Variants in CELF2 observed in about 807,000 individuals in gnomAD.
CELF2 encodes the protein CUGBP Elav-like family member 2.
A neutral mutation model predicts 62.6 loss-of-function variants in CELF2; 8 were observed. That is an observed-to-expected ratio of 0.13 (90% CI 0.07 to 0.23). The LOEUF (loss-of-function observed/expected upper bound fraction) is 0.23. CELF2 is among the 10% of genes least tolerant of loss of function. CELF2 has a pLI of 1.00. For synonymous variants in CELF2, 258 were observed against 250.0 expected (o/e 1.03, Z -0.30); for missense variants, 333 against 671.0 (o/e 0.50, Z 5.56).
chr10:10,906,988 A>G (rs905996876), intron 1 of CELF2, among the ~76,000 whole-genome samples: 3 of 152,086 alleles, frequency 2.0e-5, no homozygotes, highest in African/African-American at 7.2e-5. Flanking sequence ...AAGTGCTGGG[A>G]TTACAGGCAT....
intron 1 of CELF2, among the ~76,000 whole-genome samples, chr10:11,111,363 G>A (rs983643865): frequency 1.3e-5 from 2 of 152,136 alleles, no homozygotes; most frequent in African/African-American, 4.8e-5. Flanking sequence ...ATTCTGTTGC[G>A]AGGCCTTTGT....
the CELF2 span, among the ~76,000 whole-genome samples, chr10:10,768,258 A>T: frequency 3.9e-4 from 60 of 152,032 alleles, 1 homozygote; most frequent in South Asian, 0.012. Flanking sequence ...TACCTTTCTG[A>T]GTTGCATAGA....
At chr10:11,160,355 G>T (rs746476682) in intron 1 of CELF2, among the ~76,000 whole-genome samples, 10 of 152,098 alleles carry the variant, frequency 6.6e-5, no homozygotes, top group Admixed American at 3.9e-4. Flanking sequence ...GCTGTTGAGG[G>T]CCTCAAGCAC....
the CELF2 span, among the ~76,000 whole-genome samples, chr10:10,518,746 G>A: frequency 1.7e-3 from 252 of 150,722 alleles, 1 homozygote; most frequent in African/African-American, 6.0e-3. Context: ...TGGCTTCATA[G>A]TCAAAGAAAT....
At chr10:10,975,595 A>T (rs1352497298) in intron 2 of CELF2, among the ~76,000 whole-genome samples, 1 of 152,240 alleles carries the variant, frequency 6.6e-6, no homozygotes, top group East Asian at 1.9e-4. Context: ...TAGTACTTGC[A>T]TTTGTGATAT....
intron 1 of CELF2, among the ~76,000 whole-genome samples, chr10:10,862,448 C>T (rs2060100104): frequency 1.3e-5 from 2 of 149,854 alleles, no homozygotes; most frequent in Admixed American, 6.6e-5. Flanking sequence ...CATAATGCCT[C>T]TTTGTGGACT....
the CELF2 span, among the ~76,000 whole-genome samples, chr10:10,568,938 T>C: frequency 2.0e-5 from 3 of 152,168 alleles, no homozygotes; most frequent in Non-Finnish European, 4.4e-5. Flanking sequence ...AGTTACAATA[T>C]TGTAATAAAT....
At chr10:11,033,971 G>A (rs12414153) in intron 1 of CELF2, among the ~76,000 whole-genome samples, 4,793 of 152,272 alleles carry the variant, frequency 0.031, 119 homozygotes, top group Admixed American at 0.059. Flanking sequence ...AGTCTGAAAT[G>A]TCTGCCAGTG....
chr10:10,856,495 A>G (rs978854538), intron 1 of CELF2, among the ~76,000 whole-genome samples: 10 of 152,218 alleles, frequency 6.6e-5, no homozygotes, highest in African/African-American at 9.6e-5. Flanking sequence ...AAGGTAAGGA[A>G]CAAGTGCTTT....
the CELF2 span, among the ~76,000 whole-genome samples, chr10:10,564,402 G>T: frequency 6.6e-6 from 1 of 151,980 alleles, no homozygotes; most frequent in African/African-American, 2.4e-5. Context: ...TTTAAAAAGC[G>T]AACATTTTGA....
intron 1 of CELF2, among the ~76,000 whole-genome samples, chr10:11,150,591 C>G (rs2063146075): frequency 6.6e-6 from 1 of 152,250 alleles, no homozygotes; most frequent in Non-Finnish European, 1.5e-5. Flanking sequence ...TGAGCTCCAG[C>G]TTCCAGATCA....
chr10:10,702,504 C>T, the CELF2 span, among the ~76,000 whole-genome samples: 1 of 152,284 alleles, frequency 6.6e-6, no homozygotes, highest in Admixed American at 6.5e-5. Context: ...TAATTCCTCC[C>T]ACAAATAAAC....
At chr10:10,958,659 C>T (rs1370332837) in intron 2 of CELF2, among the ~76,000 whole-genome samples, 1 of 151,858 alleles carries the variant, frequency 6.6e-6, no homozygotes, top group Admixed American at 6.6e-5. Context: ...GCCTGGGCAA[C>T]AGAACAAGAC....
Position 11,296,024 on chromosome 10 carries a change from G to C in CELF2, c.976+7472G>C, listed in dbSNP as rs936816648. 1.3e-5 allele frequency among the ~76,000 whole-genome samples: 2 copies of C among 152,092 alleles called. No homozygotes were observed. The highest frequency in any genetic ancestry group is 6.5e-5 in the Admixed American group (1 of 15,274). ...CTTAATAAAGCTGCGCAGCTTTGGG[G>C]GTAGAGATATTTACGGTTCACCACA... On this transcript the variant is annotated intron_variant, in intron 9 of 12. Coordinates refer to ENST00000633077, the MANE Select transcript of CELF2 (RefSeq NM_001326342.2). This position sits in a 1 kb window ranked among gnomAD's most constrained non-coding sequence, Gnocchi z 5.0.
chr10:10,490,308 G>A, the CELF2 span, among the ~76,000 whole-genome samples: 1 of 152,170 alleles, frequency 6.6e-6, no homozygotes, highest in East Asian at 1.9e-4. Context: ...AAATTGTCAT[G>A]AGCAGAAATC....
rs140529758 is a variant in CELF2 at position 11,161,216 on chromosome 10, A to T, written c.75-4270A>T. On this transcript the variant is annotated intron_variant, in intron 1 of 12. Transcript: ENST00000633077. ...TCATCTTGTCTCTGACACTGAGAAT[A>T]CTATTGCCCACTGGCGTAGTGCTTG... 1.8e-3 allele frequency among the ~76,000 whole-genome samples: 275 copies of T among 152,350 alleles called. 1 individual carries two copies. Among genetic ancestry groups the T allele is most frequent in the African/African-American group, 6.4e-3 (265 of 41,580 alleles).
At chr10:10,541,523 G>A in the CELF2 span, among the ~76,000 whole-genome samples, 377 of 152,222 alleles carry the variant, frequency 2.5e-3, 2 homozygotes, top group African/African-American at 8.7e-3. Flanking sequence ...AACAAAGGGT[G>A]GGTTATTCAT....
the CELF2 span, among the ~76,000 whole-genome samples, chr10:10,555,141 A>C: frequency 6.6e-6 from 1 of 152,212 alleles, no homozygotes; most frequent in East Asian, 1.9e-4. Flanking sequence ...TTTTTTACAG[A>C]TACATGAAAG....
chr10:11,193,104 C>G (rs981956468), intron 2 of CELF2, among the ~76,000 whole-genome samples: 1 of 152,156 alleles, frequency 6.6e-6, no homozygotes, highest in Non-Finnish European at 1.5e-5. Flanking sequence ...AGTTCACAGC[C>G]CTGAACCCAA....
Sources: gnomAD v4.1 joint callset for allele counts (sites outside exome capture counted in the v4.1 genomes callset) on GRCh38, gnomAD v4.1.1 for gene constraint, Gnocchi (gnomAD v3.1) non-coding constraint, MANE v1.5 for transcripts, NCBI Gene and HGNC (gene_info 2026-07-23, HGNC 2026-07-21) for gene names.